The following ADGRL2 variants were observed in gnomAD, a reference collection of about 807,000 sequenced individuals.
ADGRL2 encodes the protein adhesion G protein-coupled receptor L2.
ADGRL2 carries 44 observed loss-of-function variants against 157.4 expected under a neutral mutation model. That is an observed-to-expected ratio of 0.28 (90% CI 0.22 to 0.36). ADGRL2 has a LOEUF of 0.36. ADGRL2 is among the 10% of genes least tolerant of loss of function. ADGRL2 has a pLI of 1.00. For missense variants in ADGRL2, 1,510 were observed against 1,768.9 expected (o/e 0.85, Z 2.63); for synonymous variants, 585 against 624.7 (o/e 0.94, Z 0.95).
intron 1 of ADGRL2, among the ~76,000 whole-genome samples, chr1:81,312,029 A>G (rs996733758): frequency 1.3e-5 from 2 of 152,166 alleles, no homozygotes; most frequent in Non-Finnish European, 2.9e-5. Context: ...AAATCTTCAG[A>G]CACTATAAAT....
intron 1 of ADGRL2, among the ~76,000 whole-genome samples, chr1:81,806,324 A>T (rs1351053699): frequency 6.6e-6 from 1 of 152,066 alleles, no homozygotes; most frequent in Non-Finnish European, 1.5e-5. Flanking sequence ...TAAATTTAAG[A>T]CAAACAGTTG....
intron 1 of ADGRL2, among the ~76,000 whole-genome samples, chr1:81,823,924 T>A (rs953742223): frequency 3.3e-5 from 5 of 151,940 alleles, no homozygotes; most frequent in African/African-American, 1.2e-4. Flanking sequence ...GTAGATATAT[T>A]TGCTAAAAAA....
chr1:81,885,326 TA>T (rs955140273), intron 2 of ADGRL2, among the ~76,000 whole-genome samples: 1 of 151,994 alleles, frequency 6.6e-6, no homozygotes, highest in Non-Finnish European at 1.5e-5. Context: ...CAGAGGAATT[TA>T]AAAAAAATGT....
chr1:81,838,865 CA>C (rs1481338053), intron 2 of ADGRL2, among the ~76,000 whole-genome samples: 6 of 151,924 alleles, frequency 3.9e-5, no homozygotes, highest in African/African-American at 1.5e-4. Context: ...CTCATCAGGC[CA>C]GGGGGTATTG....
chr1:81,512,397 G>C (rs143897949), intron 2 of ADGRL2, among the ~76,000 whole-genome samples: 1 of 152,194 alleles, frequency 6.6e-6, no homozygotes, highest in Admixed American at 6.5e-5. Flanking sequence ...ATTCCCATAT[G>C]GGACTAAATT....
At chr1:81,311,716 T>TG (rs1194206652) in intron 1 of ADGRL2, among the ~76,000 whole-genome samples, 2 of 152,192 alleles carry the variant, frequency 1.3e-5, no homozygotes, top group African/African-American at 4.8e-5. Context: ...TGACAGCATA[T>TG]TAAAATTTAC....
chr1:81,459,210 T>A (rs904942431), intron 2 of ADGRL2, among the ~76,000 whole-genome samples: 1 of 152,170 alleles, frequency 6.6e-6, no homozygotes, highest in Admixed American at 6.5e-5. Context: ...TATCCAGAAC[T>A]GGCAGCTCAG....
At chr1:81,677,030 A>G (rs1198336229) in intron 3 of ADGRL2, among the ~76,000 whole-genome samples, 1 of 146,306 alleles carries the variant, frequency 6.8e-6, no homozygotes, top group Non-Finnish European at 1.5e-5. Flanking sequence ...CTTGTTGCCC[A>G]GGCTGGAGTG....
intron 10 of ADGRL2, among the ~76,000 whole-genome samples, chr1:81,953,639 G>T (rs1355532089): frequency 1.3e-5 from 2 of 152,142 alleles, no homozygotes; most frequent in Non-Finnish European, 2.9e-5. Context: ...GTCCACTCCA[G>T]CCGGGTTTTC....
chr1:81,867,619 T>G (rs2093579709), intron 2 of ADGRL2, among the ~76,000 whole-genome samples: 1 of 152,206 alleles, frequency 6.6e-6, no homozygotes, highest in African/African-American at 2.4e-5. Context: ...AAACATCAGA[T>G]TTTTAAAAAG....
At chr1:81,797,083 G>T (rs923326059), upstream of ADGRL2, among the ~76,000 whole-genome samples, 1 of 152,162 alleles carries the variant, frequency 6.6e-6, no homozygotes, top group African/African-American at 2.4e-5. Context: ...ATATTGCTCT[G>T]ATCTGCTCTA....
At chr1:81,649,932 A>T (rs2082380682) in intron 3 of ADGRL2, among the ~76,000 whole-genome samples, 1 of 152,174 alleles carries the variant, frequency 6.6e-6, no homozygotes, top group Non-Finnish European at 1.5e-5. Flanking sequence ...CTTAACCAGG[A>T]AATAGGGAGA....
intron 2 of ADGRL2, among the ~76,000 whole-genome samples, chr1:81,577,644 A>T (rs2080823325): frequency 6.6e-6 from 1 of 152,118 alleles, no homozygotes; most frequent in Non-Finnish European, 1.5e-5. Flanking sequence ...CACTCACAGG[A>T]TTATTGTTAG....
chr1:81,660,693 A>C (rs1055922277), intron 3 of ADGRL2, among the ~76,000 whole-genome samples: 1 of 152,228 alleles, frequency 6.6e-6, no homozygotes, highest in African/African-American at 2.4e-5. Context: ...AAAATTTAAA[A>C]GAAAACAGAA....
chr1:81,666,178 A>G (rs2082747151), intron 3 of ADGRL2, among the ~76,000 whole-genome samples: 1 of 152,206 alleles, frequency 6.6e-6, no homozygotes, highest in South Asian at 2.1e-4. Context: ...GTTTAAGTGC[A>G]TTTATTTCCA....
chr1:81,556,633 T>C (rs1361752185), intron 2 of ADGRL2, among the ~76,000 whole-genome samples: 1 of 152,086 alleles, frequency 6.6e-6, no homozygotes, highest in Non-Finnish European at 1.5e-5. Flanking sequence ...AAAAATTTTT[T>C]TTTACTTGGT....
intron 2 of ADGRL2, among the ~76,000 whole-genome samples, chr1:81,511,426 A>G (rs115229555): frequency 1.1e-4 from 16 of 150,730 alleles, no homozygotes; most frequent in African/African-American, 3.9e-4. Flanking sequence ...ACACACACAC[A>G]TAGACACATA....
chr1:81,515,968 T>G (rs7526470), intron 2 of ADGRL2, among the ~76,000 whole-genome samples: 60,218 of 152,100 alleles, frequency 0.4, 16,197 homozygotes, highest in African/African-American at 0.76. Flanking sequence ...TCAAATGACT[T>G]CATGGTATTC....
intron 2 of ADGRL2, among the ~76,000 whole-genome samples, chr1:81,534,182 A>G (rs1177452739): frequency 1.3e-5 from 2 of 151,686 alleles, no homozygotes; most frequent in Non-Finnish European, 2.9e-5. Context: ...ATTTTTTTGA[A>G]ACCGAGTCTT....
Sources: allele counts gnomAD v4.1 joint callset (sites outside exome capture counted in the v4.1 genomes callset), GRCh38; gene constraint gnomAD v4.1.1; transcripts MANE v1.5; gene names NCBI Gene and HGNC (gene_info 2026-07-23, HGNC 2026-07-21).